Variants in TEX15 observed in about 807,000 individuals in gnomAD.
TEX15 encodes the protein testis-expressed protein 15.
A neutral mutation model predicts 237.3 loss-of-function variants in TEX15; 171 were observed. That is an observed-to-expected ratio of 0.72 (90% CI 0.64 to 0.82). TEX15 has a LOEUF of 0.82. TEX15 is among the 40% of genes least tolerant of loss of function. The pLI, the probability that TEX15 is intolerant of heterozygous loss-of-function variation, is 0.00. For missense variants in TEX15, 3,750 were observed against 3,646.5 expected (o/e 1.03, Z -0.73); for synonymous variants, 1,338 against 1,269.8 (o/e 1.05, Z -1.14).
At position 30,884,694 on chromosome 8, in the gene TEX15, A is replaced by C. The variant is rs186083388; in HGVS notation, c.136+2473T>G. On this transcript the variant is annotated intron_variant, in intron 3 of 10. Transcript: ENST00000643185. ...TAGTGATGTCCTCTCTTGATTTCTG[A>C]TATCAGTAATCTGTGCTCCCTTTTT... is the stretch of plus-strand genomic sequence containing the variant. Among the ~76,000 whole-genome samples the C allele has an allele frequency of 5.3e-4, 81 of 152,100 alleles. No individual in the cohort carries two copies. In the East Asian group the frequency reaches 0.012, roughly 22 times the overall value.
intron 4 of TEX15, among the ~76,000 whole-genome samples, chr8:30,870,506 G>T (rs1808269558): frequency 6.6e-6 from 1 of 152,024 alleles, no homozygotes; most frequent in African/African-American, 2.4e-5. Flanking sequence ...TAGCTATGGG[G>T]TGGGGGGTCG....
intron 3 of TEX15, among the ~76,000 whole-genome samples, chr8:30,881,214 T>G (rs1163144262): frequency 3.9e-5 from 6 of 152,200 alleles, no homozygotes; most frequent in African/African-American, 7.2e-5. Flanking sequence ...GTTTTCCATA[T>G]TATATTGGTC....
At position 30,843,252 on chromosome 8, in the gene TEX15, T is replaced by C; in HGVS notation, c.6915A>G (p.Lys2305=). The C allele has an allele frequency of 1.2e-6, 2 of 1,613,232 alleles. No homozygotes were observed. Among genetic ancestry groups the C allele is most frequent in the Non-Finnish European group, 8.5e-7 (1 of 1,179,632 alleles). The change falls in exon 8 of 11, where the codon AAA becomes AAG. Residue 2305 remains lysine (K), a synonymous_variant. Transcript: ENST00000643185. ...KDEERLLRVN[K]CAFSKLQKIY... is the part of the protein sequence containing the mutation. The stretch of plus-strand genomic sequence containing the variant: ...TCTTCTGCAACTTAGAAAAGGCACA[T>C]TTATTCACTCTGAGTAGCCTTTCTT...
In TEX15 at chr8:30,883,106, TTCTTTC is replaced by T. The variant is rs1808565848; in HGVS notation, c.136+4055_136+4060del. Among the ~76,000 whole-genome samples, 4 of 152,156 alleles carry T rather than the reference TTCTTTC, an allele frequency of 2.6e-5. No homozygotes were observed. In the South Asian group the frequency reaches 8.3e-4, roughly 32 times the overall value. On this transcript the variant is annotated intron_variant, in intron 3 of 10. Transcript: ENST00000643185. ...TTGTTTTTTAATGTCAATTTTATTT[TTCTTTC>T]TCTATCTTTTTTTTTAGAGACAGGG...
intron 5 of TEX15, among the ~76,000 whole-genome samples, chr8:30,860,758 C>T (rs761896123): frequency 5.3e-5 from 8 of 151,736 alleles, no homozygotes; most frequent in Non-Finnish European, 1.2e-4. Flanking sequence ...CCATGTTGGC[C>T]AGGCTGGGCT....
intron 1 of TEX15, among the ~76,000 whole-genome samples, chr8:30,900,519 T>C (rs894008207): frequency 1.3e-5 from 2 of 152,222 alleles, no homozygotes; most frequent in African/African-American, 2.4e-5. Flanking sequence ...TATAGTAAGT[T>C]GAAAGATAGT....
intron 4 of TEX15, among the ~76,000 whole-genome samples, chr8:30,869,727 G>A (rs528745353): frequency 6.6e-6 from 1 of 152,076 alleles, no homozygotes; most frequent in South Asian, 2.1e-4. Context: ...CTATCTCCTT[G>A]TGAGTCTACT....
chr8:30,911,518 T>C (rs553929636), intron 1 of TEX15, among the ~76,000 whole-genome samples: 4 of 152,114 alleles, frequency 2.6e-5, no homozygotes, highest in South Asian at 2.1e-4. Flanking sequence ...AATTCAAAAA[T>C]AAAAAAAGCG....
chr8:30,857,982 T>C (rs972569194), intron 7 of TEX15, among the ~76,000 whole-genome samples: 3 of 152,256 alleles, frequency 2.0e-5, no homozygotes, highest in African/African-American at 7.2e-5. Flanking sequence ...AACATTCCTG[T>C]TGTAAATACA....
At chr8:30,908,226 AT>A (rs955126431) in intron 1 of TEX15, among the ~76,000 whole-genome samples, 39 of 151,748 alleles carry the variant, frequency 2.6e-4, no homozygotes, top group South Asian at 2.3e-3. Context: ...GCCTGACCCT[AT>A]TTTTTAATTT....
rs146249670 is a variant in TEX15, at chr8:30,860,398, C to T, written c.541-341G>A. Among the ~76,000 whole-genome samples, 632 of 152,054 alleles carry T rather than the reference C, an allele frequency of 4.2e-3. 5 individuals are homozygous for T. Among genetic ancestry groups the T allele is most frequent in the African/African-American group, 0.015 (604 of 41,478 alleles). On this transcript the variant is annotated intron_variant, in intron 5 of 10. Coordinates refer to ENST00000643185, the MANE Select transcript of TEX15 (RefSeq NM_001350162.2). The stretch of plus-strand genomic sequence containing the variant: ...AAGCACTGGGATTATAGGCATGAGC[C>T]ACCGTGCCAGGCCCTGATTTTTTTT...
At chr8:30,854,019 A>G (rs1807846136) in intron 7 of TEX15, among the ~76,000 whole-genome samples, 1 of 152,118 alleles carries the variant, frequency 6.6e-6, no homozygotes, top group Non-Finnish European at 1.5e-5. Context: ...CTAGAAATTT[A>G]TAGCTATAAA....
intron 7 of TEX15, among the ~76,000 whole-genome samples, chr8:30,850,764 T>C (rs535394973): frequency 6.6e-6 from 1 of 152,296 alleles, no homozygotes; most frequent in East Asian, 1.9e-4. Context: ...GAAAGTACTT[T>C]TAAAGCATGA....
At chr8:30,883,961 C>A (rs768991920) in intron 3 of TEX15, among the ~76,000 whole-genome samples, 17 of 152,148 alleles carry the variant, frequency 1.1e-4, no homozygotes, top group Non-Finnish European at 2.1e-4. Context: ...TTTACATTTA[C>A]ATTCTTGCTT....
At position 30,847,536 on chromosome 8, in the gene TEX15, G is replaced by A. The variant is rs62000452; in HGVS notation, c.2631C>T (p.Asn877=). Residue 877 remains asparagine (N), a synonymous_variant, in exon 8 of 11, where the codon AAC becomes AAT. Transcript: ENST00000643185. Reference sequence around the variant, plus strand: ...TGTCTCCATATATGTTCTCTATGTTGTTTTCTACACATGAAGCACTATTCT... The same window carrying A: ...TGTCTCCATATATGTTCTCTATGTTATTTTCTACACATGAAGCACTATTCT... ...AKENSASCVE[N]NIENIYGDKK... The A allele has an allele frequency of 2.4e-3, 3,837 of 1,612,956 alleles. 93 individuals are homozygous for A. The African/African-American group carries it at 0.045, about 19-fold the overall frequency.
Position 30,848,644 on chromosome 8 carries a change from G to A in TEX15, c.1523C>T (p.Ser508Phe). ...CTCAGAGCCCATGTTGTGAGCCCAA[G>A]ATTGTGAATCATTAACAGAAGTTTT... ...CFKTSVNDSQSWAHNMGSEDY... is the reference protein window; with the variant it reads ...CFKTSVNDSQFWAHNMGSEDY... The change falls in exon 8 of 11, where the codon TCT becomes TTT. Residue 508 changes from serine (S) to phenylalanine (F), a missense_variant. Transcript: ENST00000643185. The A allele has an allele frequency of 6.2e-7, 1 of 1,614,184 alleles. No individual in the cohort carries two copies. The highest frequency in any genetic ancestry group is 2.2e-5 in the East Asian group (1 of 44,880).
chr8:30,905,128 G>C (rs1809074885), intron 1 of TEX15, among the ~76,000 whole-genome samples: 1 of 152,076 alleles, frequency 6.6e-6, no homozygotes, highest in African/African-American at 2.4e-5. Flanking sequence ...TTCATTTTAA[G>C]ATTCTACCTG....
intron 7 of TEX15, among the ~76,000 whole-genome samples, chr8:30,856,291 C>T (rs917295554): frequency 6.6e-6 from 1 of 151,892 alleles, no homozygotes; most frequent in East Asian, 2.0e-4. Flanking sequence ...CGGTGGCTCA[C>T]GACTGTAATC....
chr8:30,860,057 C>T lies in TEX15; in HGVS notation c.541G>A (p.Val181Ile). ...ATTTTCTTCACTTTTCCAAAGAGAA[C>T]CTAAAAAAAAAAAAGCCAAAAAAAA... ...ITVESILIFKVLFGKVKKIQP... is the reference protein window; with the variant it reads ...ITVESILIFKILFGKVKKIQP... Residue 181 changes from valine to isoleucine, a missense_variant and splice_region_variant, in exon 6 of 11, where the codon GTT becomes ATT. By Grantham distance (29) the Val-to-Ile change is conservative. Transcript: ENST00000643185. 2 of 1,438,306 alleles carry T rather than the reference C, an allele frequency of 1.4e-6. No individual in the cohort carries two copies. The highest frequency in any genetic ancestry group is 1.8e-6 in the Non-Finnish European group (2 of 1,104,040). The allele number at this position is 1,438,306 out of a possible 1,614,324, so 89.1% of individuals were successfully genotyped here.
Sources: allele counts gnomAD v4.1 joint callset (sites outside exome capture counted in the v4.1 genomes callset), GRCh38; gene constraint gnomAD v4.1.1; transcripts MANE v1.5; gene names NCBI Gene and HGNC (gene_info 2026-07-23, HGNC 2026-07-21).